RRM1: variants seen among roughly 807,000 people sequenced by gnomAD.
RRM1 encodes ribonucleotide reductase catalytic subunit M1.
Under a neutral mutation model 101.5 loss-of-function variants are expected in RRM1, and 19 were observed. The ratio of observed to expected loss-of-function variants is 0.19; its 90% CI spans 0.13 to 0.27. RRM1 has a LOEUF of 0.27. Among genes scored for constraint, RRM1 ranks in the 10% least tolerant of loss-of-function variants. RRM1 has a pLI of 1.00. For synonymous variants in RRM1, 298 were observed against 323.4 expected (o/e 0.92, Z 0.84); for missense variants, 500 against 962.9 (o/e 0.52, Z 6.36).
At chr11:4,130,218 A>G (rs1016100205) in intron 15 of RRM1, among the ~76,000 whole-genome samples, 4 of 151,526 alleles carry the variant, frequency 2.6e-5, no homozygotes, top group Non-Finnish European at 5.9e-5. Context: ...GAAATAAAAT[A>G]GAAAGTAAAA....
chr11:4,106,534 G>A (rs576708129), intron 3 of RRM1, among the ~76,000 whole-genome samples: 45 of 151,962 alleles, frequency 3.0e-4, no homozygotes, highest in African/African-American at 1.0e-3. Flanking sequence ...GATCGCTGAG[G>A]TCAGGAGTTT....
intron 5 of RRM1, among the ~76,000 whole-genome samples, 191 bp from the exon 6 acceptor site, chr11:4,111,410 C>CAAAA (rs1165163692): frequency 1.4e-5 from 1 of 73,772 alleles, no homozygotes; most frequent in Non-Finnish European, 3.1e-5. Context: ...GACTCTGTCT[C>CAAAA]AAAAAAAAAA....
In RRM1 at chr11:4,107,502, G is replaced by A. The variant is rs1484968106; in HGVS notation, c.354G>A (p.Lys118=). 1 of 1,613,410 alleles carries A rather than the reference G, an allele frequency of 6.2e-7. No individual in the cohort carries two copies. Among genetic ancestry groups the A allele is most frequent in the Non-Finnish European group, 8.5e-7 (1 of 1,179,370 alleles). The stretch of plus-strand genomic sequence containing the variant: ...GCAAACACTCTCCCATGGTGGCCAA[G>A]TCAACATTGGATATTGTTCTGGCCA... The part of the protein sequence containing the change: ...HNGKHSPMVA[K]STLDIVLANK... The change falls in exon 4 of 19, where the codon AAG becomes AAA. Residue 118 remains lysine, a synonymous_variant. Coordinates refer to ENST00000300738, the MANE Select transcript of RRM1 (RefSeq NM_001033.5).
intron 9 of RRM1, among the ~76,000 whole-genome samples, chr11:4,121,279 G>T (rs915159065): frequency 6.6e-6 from 1 of 152,132 alleles, no homozygotes; most frequent in Admixed American, 6.5e-5. Context: ...CTTCCTTTGG[G>T]CTTTATGTAC....
Position 4,105,098 on chromosome 11 carries a change from AT to A in RRM1, c.109-940del, listed in dbSNP as rs577229633. ...TAATCGATTTAAAGGCTATACTTAGATTTTTTTTAATGACACTTTCATTTTA... is the reference window on the plus strand; with the variant it reads ...TAATCGATTTAAAGGCTATACTTAGATTTTTTTAATGACACTTTCATTTTA... On this transcript the variant is annotated intron_variant, in intron 2 of 18. Coordinates refer to ENST00000300738, the MANE Select transcript of RRM1 (RefSeq NM_001033.5). Among the ~76,000 whole-genome samples, 5 of 152,162 alleles carry A rather than the reference AT, an allele frequency of 3.3e-5. No homozygotes were observed. In the East Asian group the frequency reaches 5.8e-4, roughly 18 times the overall value.
At chr11:4,112,513 G>A (rs774761009) in intron 7 of RRM1, among the ~76,000 whole-genome samples, 16 of 151,992 alleles carry the variant, frequency 1.1e-4, no homozygotes, top group Admixed American at 6.6e-5. Context: ...ACAGGTGCCC[G>A]CCACCACACC....
At chr11:4,111,410 C>CAAA (rs1165163692) in intron 5 of RRM1, among the ~76,000 whole-genome samples, 191 bp from the exon 6 acceptor site, 1 of 73,768 alleles carries the variant, frequency 1.4e-5, no homozygotes. Context: ...GACTCTGTCT[C>CAAA]AAAAAAAAAA....
chr11:4,135,683 CT>C (rs1345249177), intron 18 of RRM1, among the ~76,000 whole-genome samples: 4 of 152,088 alleles, frequency 2.6e-5, no homozygotes, highest in African/African-American at 4.8e-5. Flanking sequence ...TCAGATAAAA[CT>C]TTGCACACGT....
At chr11:4,102,570 T>C (rs1407511074) in intron 2 of RRM1, among the ~76,000 whole-genome samples, 1 of 151,100 alleles carries the variant, frequency 6.6e-6, no homozygotes, top group Non-Finnish European at 1.5e-5. Context: ...GAGAATCACT[T>C]GAACCTGGGA....
intron 4 of RRM1, among the ~76,000 whole-genome samples, chr11:4,108,775 T>C (rs1034943460): frequency 7.9e-5 from 12 of 152,086 alleles, no homozygotes; most frequent in Admixed American, 3.3e-4. Context: ...TCTAAAAATA[T>C]ACCTATTGAT....
chr11:4,103,004 T>A (rs1326999090), intron 2 of RRM1, among the ~76,000 whole-genome samples: 2 of 152,236 alleles, frequency 1.3e-5, no homozygotes, highest in Non-Finnish European at 2.9e-5. Context: ...CTCTAAGAAC[T>A]CTTTTTTTCA....
intron 3 of RRM1, among the ~76,000 whole-genome samples, chr11:4,106,539 G>C (rs2094558521): frequency 6.6e-6 from 1 of 152,222 alleles, no homozygotes; most frequent in African/African-American, 2.4e-5. Flanking sequence ...CTGAGGTCAG[G>C]AGTTTGAGAC....
chr11:4,095,778 A>G (rs903715277), intron 1 of RRM1, among the ~76,000 whole-genome samples: 1 of 152,172 alleles, frequency 6.6e-6, no homozygotes, highest in Admixed American at 6.5e-5. Context: ...CTTTGTGCCC[A>G]GCCCTTTGCT....
chr11:4,121,875 G>A, intron 10 of RRM1, 110 bp downstream of exon 10: 11 of 1,020,266 alleles, frequency 1.1e-5, no homozygotes, highest in Non-Finnish European at 1.6e-5. Flanking sequence ...TGATGCCACA[G>A]AAGGCATTCT....
intron 2 of RRM1, among the ~76,000 whole-genome samples, chr11:4,102,574 C>T (rs926389970): frequency 4.0e-5 from 6 of 151,586 alleles, no homozygotes; most frequent in Non-Finnish European, 8.8e-5. Context: ...ATCACTTGAA[C>T]CTGGGAGGCA....
Position 4,118,312 on chromosome 11 carries a change from C to T in RRM1, c.651-8C>T, listed in dbSNP as rs773040122. 69 of 1,603,578 alleles carry T rather than the reference C, an allele frequency of 4.3e-5. 1 individual carries two copies. The highest frequency in any genetic ancestry group is 1.2e-5 in the Non-Finnish European group (14 of 1,174,312). On this transcript the variant is annotated splice_region_variant and splice_polypyrimidine_tract_variant and intron_variant, in intron 7 of 18. Transcript: ENST00000300738. ...TTGCTCTAAGTTGAGACATTTTTTC[C>T]CCCGTAGCTGTTTTCTTCTGAGTAT...
intron 4 of RRM1, among the ~76,000 whole-genome samples, chr11:4,108,485 C>G (rs1439458756): frequency 1.3e-5 from 2 of 150,200 alleles, no homozygotes; most frequent in Non-Finnish European, 3.0e-5. Context: ...GTAGTCCCAG[C>G]TACTCAGGAG....
chr11:4,102,601 G>A (rs1045548350), intron 2 of RRM1, among the ~76,000 whole-genome samples: 1 of 150,002 alleles, frequency 6.7e-6, no homozygotes, highest in Non-Finnish European at 1.5e-5. Flanking sequence ...GCAGTGAGCC[G>A]AGATCGTGCC....
chr11:4,113,642 A>G (rs2094568503), intron 7 of RRM1, among the ~76,000 whole-genome samples: 2 of 152,220 alleles, frequency 1.3e-5, no homozygotes, highest in Non-Finnish European at 2.9e-5. Context: ...TTGTGCAAAC[A>G]TTATACAGTA....
Sources: gnomAD v4.1 joint callset for allele counts (sites outside exome capture counted in the v4.1 genomes callset) on GRCh38, gnomAD v4.1.1 for gene constraint, MANE v1.5 for transcripts, NCBI Gene and HGNC (gene_info 2026-07-23, HGNC 2026-07-21) for gene names.